CACNG4: variants seen among roughly 807,000 people sequenced by gnomAD.
The protein encoded by CACNG4 is voltage-dependent calcium channel gamma-4 subunit.
A neutral mutation model predicts 22.9 loss-of-function variants in CACNG4; 8 were observed. The observed-to-expected ratio is 0.35, with a 90% CI of 0.21 to 0.63. The LOEUF is 0.63. Ranked by LOEUF, CACNG4 falls within the 30% of genes least tolerant of loss-of-function variation. The pLI is 0.72. For missense variants in CACNG4, 357 were observed against 455.4 expected, an observed-to-expected ratio of 0.78 and a Z score of 1.97; for synonymous variants, 188 against 191.9, an observed-to-expected ratio of 0.98 and a Z score of 0.17.
chr17:66,997,479 G>A (rs550450628), intron 1 of CACNG4, among the ~76,000 whole-genome samples: 5 of 152,264 alleles, frequency 3.3e-5, no homozygotes, highest in Admixed American at 1.3e-4. Context: ...AGATGTCCCC[G>A]GGGATGGGAT....
In CACNG4 at chr17:67,030,736, G is replaced by A. The variant is rs752125531; in HGVS notation, c.716G>A (p.Arg239Gln). The A allele has an allele frequency of 2.4e-5, 39 of 1,614,088 alleles. No individual in the cohort carries two copies. The highest frequency in any genetic ancestry group is 8.0e-5 in the African/African-American group (6 of 74,926). ...PYARMPSYRYRRRRSRSSSRS... is the reference protein window; with the variant it reads ...PYARMPSYRYQRRRSRSSSRS... ...GCCAGGATGCCGAGCTACAGGTACC[G>A]GCGACGGCGCTCGAGGTCCAGCTCA... Residue 239 changes from arginine (R) to glutamine (Q), a missense_variant, in exon 4 of 4, where the codon CGG becomes CAG. Transcript: ENST00000262138. The surrounding 1 kb of genome is among the most constrained non-coding windows in gnomAD (Gnocchi z 6.4).
rs1338151034 is a variant in CACNG4, at chr17:67,027,536, A to T, written c.445+2536A>T. Among the ~76,000 whole-genome samples, 1 of 152,190 alleles carries T rather than the reference A, an allele frequency of 6.6e-6. No individual in the cohort carries two copies. Among genetic ancestry groups the T allele is most frequent in the Non-Finnish European group, 1.5e-5 (1 of 68,020 alleles). On this transcript the variant is annotated intron_variant, in intron 3 of 3. Transcript: ENST00000262138. This position sits in a 1 kb window ranked among gnomAD's most constrained non-coding sequence, Gnocchi z 4.3. ...GTCTGACAGGCTCTTAAAGAACTCG[A>T]GGTGGAAAATGGTAGGTGCCACAGG...
intron 1 of CACNG4, among the ~76,000 whole-genome samples, chr17:67,008,912 T>G (rs7218893): frequency 0.096 from 14,614 of 151,854 alleles, 1,239 homozygotes; most frequent in East Asian, 0.23. Context: ...TCGCGCCACT[T>G]CACTCCAGCC....
chr17:66,971,153 C>T (rs2035201792), intron 1 of CACNG4, among the ~76,000 whole-genome samples: 1 of 152,202 alleles, frequency 6.6e-6, no homozygotes. Context: ...CTCTGTCATA[C>T]AAACCCCGGA....
chr17:66,994,031 A>C (rs575455518), intron 1 of CACNG4, among the ~76,000 whole-genome samples: 3,294 of 151,516 alleles, frequency 0.022, 48 homozygotes, highest in Middle Eastern at 0.065. Context: ...AAAAAAAAAA[A>C]AACATTTTTT....
chr17:66,988,606 G>A lies in CACNG4; in HGVS notation c.220+23475G>A, dbSNP rs552949318. Among the ~76,000 whole-genome samples, 118 of 152,000 alleles carry A rather than the reference G, an allele frequency of 7.8e-4. 1 individual carries two copies. The highest frequency in any genetic ancestry group is 4.6e-4 in the Non-Finnish European group (31 of 68,002). ...CCGGCCCTTGGATCTGTCACCAGTC[G>A]GTTGCAACAGAGCAGCTCATGGTCT... On this transcript the variant is annotated intron_variant, in intron 1 of 3. Transcript: ENST00000262138.
intron 1 of CACNG4, among the ~76,000 whole-genome samples, chr17:66,974,201 G>C: frequency 6.6e-6 from 1 of 152,190 alleles, no homozygotes; most frequent in South Asian, 2.1e-4. Context: ...GCTGGGGGCC[G>C]AGGCAGGCCA....
chr17:66,974,194 G>A (rs1420123532), intron 1 of CACNG4, among the ~76,000 whole-genome samples: 2 of 152,210 alleles, frequency 1.3e-5, no homozygotes, highest in African/African-American at 4.8e-5. Flanking sequence ...GAAGCCAGCT[G>A]GGGGCCGAGG....
chr17:66,988,874 C>T (rs1443726930), intron 1 of CACNG4, among the ~76,000 whole-genome samples: 4 of 152,124 alleles, frequency 2.6e-5, no homozygotes, highest in South Asian at 2.1e-4. Flanking sequence ...GCCTGACCAA[C>T]GTGGTGAAAC....
At chr17:66,999,004 G>T (rs989639703) in intron 1 of CACNG4, among the ~76,000 whole-genome samples, 12 of 152,174 alleles carry the variant, frequency 7.9e-5, no homozygotes, top group African/African-American at 2.9e-4. Flanking sequence ...AGTTTGAGAG[G>T]TGGTGGGGCA....
At chr17:67,026,093 G>A (rs2035563352) in intron 3 of CACNG4, among the ~76,000 whole-genome samples, 1 of 151,764 alleles carries the variant, frequency 6.6e-6, no homozygotes, top group East Asian at 1.9e-4. Context: ...GTGTGTTTGT[G>A]TGTGTGAAGA....
chr17:66,965,170 A>ACACC, intron 1 of CACNG4, 39 bp downstream of exon 1: 1 of 1,106,664 alleles, frequency 9.0e-7, no homozygotes, highest in Non-Finnish European at 1.3e-6. Context: ...CCACACACAC[A>ACACC]CACACACACA....
intron 2 of CACNG4, among the ~76,000 whole-genome samples, chr17:67,024,560 G>T (rs2035551648): frequency 6.6e-6 from 1 of 152,222 alleles, no homozygotes; most frequent in African/African-American, 2.4e-5. Context: ...GCGGTTTGTT[G>T]CTTTCATGGC....
At chr17:67,022,447 T>A (rs1423954866) in intron 2 of CACNG4, among the ~76,000 whole-genome samples, 3 of 152,138 alleles carry the variant, frequency 2.0e-5, no homozygotes, top group Admixed American at 2.0e-4. Flanking sequence ...CAGAGGCACA[T>A]TTCAGAAACA....
At chr17:67,012,674 G>A (rs1567757256) in intron 1 of CACNG4, among the ~76,000 whole-genome samples, 1 of 152,164 alleles carries the variant, frequency 6.6e-6, no homozygotes, top group African/African-American at 2.4e-5. Flanking sequence ...GCACGTGCGC[G>A]AGTGCAGAGT....
chr17:67,009,000 G>A (rs1370876413), intron 1 of CACNG4, among the ~76,000 whole-genome samples: 1 of 152,078 alleles, frequency 6.6e-6, no homozygotes, highest in Admixed American at 6.5e-5. Context: ...GTATGACTGG[G>A]GCCCTTATGA....
chr17:67,005,642 G>A (rs990234643), intron 1 of CACNG4, among the ~76,000 whole-genome samples: 2 of 152,200 alleles, frequency 1.3e-5, no homozygotes, highest in Non-Finnish European at 2.9e-5. Context: ...CTCGGTCCCC[G>A]AGTGGATTTT....
intron 1 of CACNG4, among the ~76,000 whole-genome samples, chr17:66,976,636 A>G (rs879563434): frequency 6.7e-6 from 1 of 148,742 alleles, no homozygotes; most frequent in Non-Finnish European, 1.5e-5. Context: ...TCTTCTTTCT[A>G]TCCCTGAGTC....
intron 1 of CACNG4, among the ~76,000 whole-genome samples, chr17:66,974,015 A>G (rs1021903127): frequency 1.6e-4 from 25 of 152,206 alleles, no homozygotes; most frequent in African/African-American, 4.8e-4. Flanking sequence ...AAGCTGTGAA[A>G]ATGACATCCC....
Sources: gnomAD v4.1 joint callset for allele counts (sites outside exome capture counted in the v4.1 genomes callset) on GRCh38, gnomAD v4.1.1 for gene constraint, Gnocchi (gnomAD v3.1) non-coding constraint, MANE v1.5 for transcripts, NCBI Gene and HGNC (gene_info 2026-07-23, HGNC 2026-07-21) for gene names.